The following GOLIM4 variants were observed in gnomAD, a reference collection of about 807,000 sequenced individuals.
The protein encoded by GOLIM4 is 130 kDa golgi-localized phosphoprotein.
GOLIM4 carries 71 observed loss-of-function variants against 107.4 expected under a neutral mutation model. The ratio of observed to expected loss-of-function variants is 0.66; its 90% CI spans 0.55 to 0.81. GOLIM4 has a LOEUF of 0.81. GOLIM4 is among the 30% of genes least tolerant of loss of function. The probability of loss-of-function intolerance (pLI) is 0.00; values close to 1 mark genes in which losing one functional copy is unlikely to be tolerated. For missense variants in GOLIM4, 830 were observed against 826.1 expected, an observed-to-expected ratio of 1.00 and a Z score of -0.06; for synonymous variants, 327 against 294.8, an observed-to-expected ratio of 1.11 and a Z score of -1.12.
chr3:168,012,317 A>C (rs1242018203), intron 14 of GOLIM4, among the ~76,000 whole-genome samples: 1 of 135,734 alleles, frequency 7.4e-6, no homozygotes, highest in Non-Finnish European at 1.5e-5. Context: ...AATGAAATGA[A>C]GCGAGAAGAG....
chr3:168,056,770 A>G (rs1379364857), intron 1 of GOLIM4, among the ~76,000 whole-genome samples: 1 of 152,176 alleles, frequency 6.6e-6, no homozygotes, highest in Admixed American at 6.5e-5. Flanking sequence ...TATTTACTCA[A>G]TGCTTGTACC....
chr3:168,011,751 GC>G (rs1717048896), intron 14 of GOLIM4, among the ~76,000 whole-genome samples: 1 of 135,642 alleles, frequency 7.4e-6, no homozygotes, highest in South Asian at 2.1e-4. Flanking sequence ...CCCCTGAGCA[GC>G]CTAACTGGGA....
intron 11 of GOLIM4, among the ~76,000 whole-genome samples, chr3:168,028,309 C>T (rs1198154198): frequency 6.6e-6 from 1 of 152,164 alleles, no homozygotes; most frequent in Non-Finnish European, 1.5e-5. Flanking sequence ...TTTCTGATGT[C>T]ATCACAGTAA....
intron 5 of GOLIM4, among the ~76,000 whole-genome samples, chr3:168,042,373 C>G (rs970153145): frequency 2.0e-5 from 3 of 152,156 alleles, no homozygotes; most frequent in African/African-American, 7.2e-5. Flanking sequence ...CTCCGTCTCC[C>G]GGGTTCAAGC....
intron 1 of GOLIM4, among the ~76,000 whole-genome samples, chr3:168,063,556 A>G (rs1720378146): frequency 6.6e-6 from 1 of 152,160 alleles, no homozygotes; most frequent in South Asian, 2.1e-4. Flanking sequence ...CCCCACTGAG[A>G]TATTGGGCAT....
chr3:168,010,852 C>T (rs566785382), intron 14 of GOLIM4, 29 bp from the exon 15 acceptor site: 18 of 1,444,332 alleles, frequency 1.2e-5, no homozygotes, highest in South Asian at 5.7e-5. Context: ...ATCATTTAAA[C>T]ACTTTTGTCT....
At chr3:168,062,412 T>TA (rs1419511178) in intron 1 of GOLIM4, among the ~76,000 whole-genome samples, 1 of 152,024 alleles carries the variant, frequency 6.6e-6, no homozygotes, top group Non-Finnish European at 1.5e-5. Context: ...TTTTTTTTTT[T>TA]TTAGTGGAAA....
At position 168,063,551 on chromosome 3, in the gene GOLIM4, C is replaced by T. The variant is rs185130698; in HGVS notation, c.188-15186G>A. Among the ~76,000 whole-genome samples the T allele has an allele frequency of 2.0e-5, 3 of 152,188 alleles. No homozygotes were observed. The East Asian group carries it at 5.8e-4, about 29-fold the overall frequency. On this transcript the variant is annotated intron_variant, in intron 1 of 15. Coordinates refer to ENST00000470487, the MANE Select transcript of GOLIM4 (RefSeq NM_014498.5). ...GACTCTGAATAGGGTATCTTCCCCA[C>T]TGAGATATTGGGCATTGCCTGATTT...
rs201756178 is a variant in GOLIM4 at position 168,052,396 on chromosome 3, ACACT to A, written c.188-4035_188-4032del. ...CACATACACACACTCTCTCACACAC[ACACT>A]CTCTCTCACACACACAGATGTATAC... is the stretch of plus-strand genomic sequence containing the variant. On this transcript the variant is annotated intron_variant, in intron 1 of 15. Coordinates refer to ENST00000470487, the MANE Select transcript of GOLIM4 (RefSeq NM_014498.5). 6.0e-3 allele frequency among the ~76,000 whole-genome samples: 909 copies of A among 151,894 alleles called. 6 individuals carry two copies. Among genetic ancestry groups the A allele is most frequent in the African/African-American group, 0.021 (852 of 41,322 alleles).
At chr3:168,066,095 CA>C (rs1407287671) in intron 1 of GOLIM4, among the ~76,000 whole-genome samples, 3 of 151,294 alleles carry the variant, frequency 2.0e-5, no homozygotes, top group Non-Finnish European at 4.4e-5. Flanking sequence ...AGCAGGGATA[CA>C]AAAGAAGACA....
intron 1 of GOLIM4, among the ~76,000 whole-genome samples, chr3:168,089,996 G>C (rs938871584): frequency 1.3e-5 from 2 of 152,122 alleles, no homozygotes; most frequent in African/African-American, 4.8e-5. Flanking sequence ...TCAAACTCCT[G>C]ATCTCAAGTG....
At chr3:168,052,373 C>A (rs1719698493) in intron 1 of GOLIM4, among the ~76,000 whole-genome samples, 1 of 151,444 alleles carries the variant, frequency 6.6e-6, no homozygotes, top group African/African-American at 2.4e-5. Context: ...TATATATACA[C>A]ATACACACAC....
rs568562485 is a variant in GOLIM4 at position 168,064,855 on chromosome 3, T to A, written c.188-16490A>T. ...AAATCTTTGATGATACATATAAGTATTCTAATTAGACGTCCAGATTTTTCT... is the reference window on the plus strand; with the variant it reads ...AAATCTTTGATGATACATATAAGTAATCTAATTAGACGTCCAGATTTTTCT... On this transcript the variant is annotated intron_variant, in intron 1 of 15. Transcript: ENST00000470487. Among the ~76,000 whole-genome samples the A allele has an allele frequency of 3.3e-5, 5 of 152,180 alleles. No homozygotes were observed. The South Asian group carries it at 1.0e-3, about 32-fold the overall frequency.
intron 14 of GOLIM4, among the ~76,000 whole-genome samples, chr3:168,020,921 T>C (rs1176488656): frequency 6.6e-6 from 1 of 152,140 alleles, no homozygotes; most frequent in East Asian, 1.9e-4. Context: ...AGAAGCCAAA[T>C]GATATTCTTT....
chr3:168,076,369 T>C (rs946040447), intron 1 of GOLIM4, among the ~76,000 whole-genome samples: 6 of 152,232 alleles, frequency 3.9e-5, no homozygotes, highest in Non-Finnish European at 8.8e-5. Context: ...TTTGTTTCTT[T>C]GTTTTTAATC....
chr3:168,093,912 G>A (rs1439490997), intron 1 of GOLIM4, among the ~76,000 whole-genome samples: 1 of 152,160 alleles, frequency 6.6e-6, no homozygotes, highest in African/African-American at 2.4e-5. Flanking sequence ...CTGAAGCAAA[G>A]AAGAGGCATC....
At chr3:168,094,786 G>A (rs746629582) in intron 1 of GOLIM4, among the ~76,000 whole-genome samples, 1 of 152,204 alleles carries the variant, frequency 6.6e-6, no homozygotes, top group African/African-American at 2.4e-5. Flanking sequence ...TCCCTGCCCC[G>A]ATTGCAGCTG....
chr3:168,057,725 G>A (rs1720055965), intron 1 of GOLIM4, among the ~76,000 whole-genome samples: 1 of 152,186 alleles, frequency 6.6e-6, no homozygotes, highest in Non-Finnish European at 1.5e-5. Context: ...AGTGAGTGAA[G>A]TAATGAACAA....
rs760283040 is a variant in GOLIM4, at chr3:168,032,484, C to T, written c.1176+36G>A. 4.7e-6 allele frequency: 7 copies of T among 1,484,248 alleles called. No homozygotes were observed. The Admixed American group carries it at 5.1e-5, about 11-fold the overall frequency. The allele number at this position is 1,484,248 out of a possible 1,614,324, so 91.9% of individuals were successfully genotyped here. Reference sequence around the variant, plus strand: ...GTAAAAATAAAGCCAGGTTTTCCATCCCAGTACACCATACCAGAAGCGGGT... The same window carrying T: ...GTAAAAATAAAGCCAGGTTTTCCATTCCAGTACACCATACCAGAAGCGGGT... On this transcript the variant is annotated intron_variant, in intron 9 of 15. Transcript: ENST00000470487.
Sources: allele counts gnomAD v4.1 joint callset (sites outside exome capture counted in the v4.1 genomes callset), GRCh38; gene constraint gnomAD v4.1.1; transcripts MANE v1.5; gene names NCBI Gene and HGNC (gene_info 2026-07-23, HGNC 2026-07-21).